Variants in TEX9 observed in about 807,000 individuals in gnomAD.
TEX9 encodes the protein testis-expressed protein 9.
Under a neutral mutation model 59.6 loss-of-function variants are expected in TEX9, and 74 were observed. The observed-to-expected ratio is 1.24, with a 90% CI of 1.03 to 1.51. The LOEUF (loss-of-function observed/expected upper bound fraction) is 1.51, where lower values mean the gene tolerates loss of function less well. Ranked by LOEUF, TEX9 falls within the 40% of genes most tolerant of loss-of-function variation. The pLI, the probability that TEX9 is intolerant of heterozygous loss-of-function variation, is 0.00. For missense variants in TEX9, 522 were observed against 447.8 expected (o/e 1.17, Z -1.49); for synonymous variants, 186 against 152.2 (o/e 1.22, Z -1.64).
At position 56,263,895 on chromosome 15, in the gene TEX9, G is replaced by A. The variant is rs929066454; in HGVS notation, c.-107+19617G>A. Among the ~76,000 whole-genome samples, 15 of 152,068 alleles carry A rather than the reference G, an allele frequency of 9.9e-5. 1 individual carries two copies. Among genetic ancestry groups the A allele is most frequent in the African/African-American group, 3.4e-4 (14 of 41,468 alleles). On this transcript the variant is annotated intron_variant, in intron 1 of 5. Transcript: ENST00000560827. ...TTTCTGCCATTTGTTTTTTATTAAT[G>A]AGTACTGTATCACTGCATGGATATA...
At chr15:56,451,878 AT>A in the TEX9 span, among the ~76,000 whole-genome samples, 16 of 151,816 alleles carry the variant, frequency 1.1e-4, no homozygotes, top group East Asian at 1.9e-4. Flanking sequence ...GATTGCCTAG[AT>A]TTTTTTTTAT....
At chr15:56,292,495 AGC>A (rs2045117859) in intron 1 of TEX9, among the ~76,000 whole-genome samples, 1 of 152,198 alleles carries the variant, frequency 6.6e-6, no homozygotes, top group Admixed American at 6.5e-5. Flanking sequence ...TAGCAACTAC[AGC>A]CTGGGAAGGG....
chr15:56,455,248 A>G, the TEX9 span, among the ~76,000 whole-genome samples: 7 of 1,282 alleles, frequency 5.5e-3, no homozygotes, highest in Non-Finnish European at 0.026. Context: ...TCGTCAGGTG[A>G]AAAAAAAAAA....
At chr15:56,387,967 T>TA (rs1270906368) in intron 4 of TEX9, among the ~76,000 whole-genome samples, 1 of 152,032 alleles carries the variant, frequency 6.6e-6, no homozygotes, top group African/African-American at 2.4e-5. Context: ...AACAAATACT[T>TA]ACGCCAGTAG....
At chr15:56,262,006 A>G (rs191632450) in intron 1 of TEX9, among the ~76,000 whole-genome samples, 35 of 152,248 alleles carry the variant, frequency 2.3e-4, no homozygotes, top group African/African-American at 7.9e-4. Flanking sequence ...TCATGGGGAG[A>G]TGTCTCAGTG....
downstream of TEX9, among the ~76,000 whole-genome samples, chr15:56,450,068 C>T (rs1452612181): frequency 6.6e-6 from 1 of 152,088 alleles, no homozygotes; most frequent in African/African-American, 2.4e-5. Context: ...TTTATTATTG[C>T]CTTCCTCCTA....
chr15:56,384,767 A>G (rs751611603), intron 4 of TEX9, among the ~76,000 whole-genome samples: 11 of 152,214 alleles, frequency 7.2e-5, no homozygotes, highest in South Asian at 2.1e-4. Context: ...TAGTAAAACT[A>G]TCATCTGTGG....
At chr15:56,453,372 C>A in the TEX9 span, among the ~76,000 whole-genome samples, 1 of 152,086 alleles carries the variant, frequency 6.6e-6, no homozygotes, top group Non-Finnish European at 1.5e-5. Context: ...GGTGATCAAT[C>A]TTCTGTTTTT....
At chr15:56,367,988 C>G (rs1408321709) in intron 2 of TEX9, among the ~76,000 whole-genome samples, 1 of 152,116 alleles carries the variant, frequency 6.6e-6, no homozygotes, top group African/African-American at 2.4e-5. Context: ...CTTGATAATT[C>G]TCCTACATTC....
At chr15:56,434,558 G>A (rs541958461) in intron 12 of TEX9, among the ~76,000 whole-genome samples, 80 of 152,160 alleles carry the variant, frequency 5.3e-4, no homozygotes, top group African/African-American at 1.8e-3. Flanking sequence ...TTTAAAACTA[G>A]CTGGATAAAG....
At chr15:56,452,461 C>T in the TEX9 span, among the ~76,000 whole-genome samples, 611 of 152,176 alleles carry the variant, frequency 4.0e-3, 17 homozygotes, top group Admixed American at 0.037. Flanking sequence ...ACCAATATTC[C>T]AGACTCCCAG....
chr15:56,339,402 A>ACAAAC (rs1567091390), intron 1 of TEX9, among the ~76,000 whole-genome samples: 1 of 79,480 alleles, frequency 1.3e-5, no homozygotes, highest in Non-Finnish European at 3.7e-5. Context: ...AAAAAAAAAA[A>ACAAAC]AAAAAAAAAA....
intron 1 of TEX9, among the ~76,000 whole-genome samples, chr15:56,315,638 C>G (rs200526353): frequency 0.045 from 6,550 of 145,522 alleles, 494 homozygotes; most frequent in East Asian, 0.35. Context: ...CTTGGAGTTG[C>G]TCTTCTCGAG....
At chr15:56,296,816 C>CT (rs1374395749) in intron 1 of TEX9, among the ~76,000 whole-genome samples, 2 of 152,084 alleles carry the variant, frequency 1.3e-5, no homozygotes, top group African/African-American at 4.8e-5. Flanking sequence ...AATTATTCTA[C>CT]TTTTTTTTCT....
At chr15:56,329,543 AT>A (rs2046097743) in intron 1 of TEX9, among the ~76,000 whole-genome samples, 1 of 152,194 alleles carries the variant, frequency 6.6e-6, no homozygotes, top group African/African-American at 2.4e-5. Context: ...ATTCAAGATA[AT>A]GCAGAGAAGG....
At chr15:56,427,479 T>TA in intron 10 of TEX9, 126 bp from the exon 11 acceptor site, 2 of 597,948 alleles carry the variant, frequency 3.3e-6, no homozygotes, top group Non-Finnish European at 5.1e-6. Flanking sequence ...AAGCAATTTT[T>TA]ATCTACAAAA....
intron 9 of TEX9, among the ~76,000 whole-genome samples, chr15:56,407,326 T>C (rs1178341927): frequency 2.6e-5 from 4 of 152,186 alleles, no homozygotes; most frequent in African/African-American, 9.6e-5. Context: ...AGGAAAGTCA[T>C]GTGCACTGGA....
chr15:56,269,945 C>T (rs1327070763), intron 1 of TEX9, among the ~76,000 whole-genome samples: 18 of 152,076 alleles, frequency 1.2e-4, no homozygotes, highest in East Asian at 1.9e-4. Context: ...CGTGAGCCAC[C>T]GCGCCCGGCC....
intron 1 of TEX9, among the ~76,000 whole-genome samples, chr15:56,319,592 C>A (rs1011082156): frequency 1.3e-5 from 2 of 151,696 alleles, no homozygotes; most frequent in Non-Finnish European, 2.9e-5. Flanking sequence ...AATGTTGAAA[C>A]TTCATTTTCT....
Sources: gnomAD v4.1 joint callset for allele counts (sites outside exome capture counted in the v4.1 genomes callset) on GRCh38, gnomAD v4.1.1 for gene constraint, MANE v1.5 for transcripts, NCBI Gene and HGNC (gene_info 2026-07-23, HGNC 2026-07-21) for gene names.